GNB4: variants seen among roughly 807,000 people sequenced by gnomAD.
GNB4 encodes G protein subunit beta 4.
GNB4 carries 28 observed loss-of-function variants against 45.2 expected under a neutral mutation model. The observed-to-expected ratio is 0.62, with a 90% CI of 0.46 to 0.85. The LOEUF (loss-of-function observed/expected upper bound fraction) is 0.85. Among genes scored for constraint, GNB4 ranks in the 40% least tolerant of loss-of-function variants. The pLI, the probability that GNB4 is intolerant of heterozygous loss-of-function variation, is 0.00. For synonymous variants in GNB4, 132 were observed against 143.7 expected (o/e 0.92, Z 0.58); for missense variants, 321 against 425.4 (o/e 0.75, Z 2.16).
At chr3:179,443,772 A>T (rs1384831323) in intron 1 of GNB4, among the ~76,000 whole-genome samples, 1 of 152,140 alleles carries the variant, frequency 6.6e-6, no homozygotes, top group Non-Finnish European at 1.5e-5. Context: ...ATACTATACA[A>T]TTACTGTCTC....
intron 4 of GNB4, 132 bp downstream of exon 4, chr3:179,419,267 C>T (rs549271843): frequency 4.4e-6 from 3 of 682,032 alleles, no homozygotes; most frequent in Non-Finnish European, 7.9e-6. Flanking sequence ...GCAGCATGTT[C>T]ATCTGAGATG....
intron 1 of GNB4, among the ~76,000 whole-genome samples, chr3:179,432,560 C>T (rs1715337475): frequency 6.6e-6 from 1 of 152,170 alleles, no homozygotes; most frequent in Middle Eastern, 3.2e-3. Flanking sequence ...CAGGTGAAGC[C>T]TAATATGGCA....
chr3:179,527,708 GACTT>G, the GNB4 span, among the ~76,000 whole-genome samples: 1 of 151,892 alleles, frequency 6.6e-6, no homozygotes, highest in African/African-American at 2.4e-5. Flanking sequence ...TATAGTCTAA[GACTT>G]ACCTACTTCA....
the GNB4 span, among the ~76,000 whole-genome samples, chr3:179,518,412 C>G: frequency 6.6e-6 from 1 of 152,066 alleles, no homozygotes; most frequent in African/African-American, 2.4e-5. Context: ...CCTTCTTTCC[C>G]TCCCGCCTGT....
chr3:179,420,744 T>C, intron 3 of GNB4, 145 bp downstream of exon 3: 1 of 660,224 alleles, frequency 1.5e-6, no homozygotes. Flanking sequence ...GTATAGCATT[T>C]GACAAATTAC....
At chr3:179,491,067 C>G in the GNB4 span, among the ~76,000 whole-genome samples, 1 of 152,134 alleles carries the variant, frequency 6.6e-6, no homozygotes, top group African/African-American at 2.4e-5. Flanking sequence ...GTTTTTAAAG[C>G]AGCTATTATA....
At chr3:179,453,688 AATG>A (rs925730600), upstream of GNB4, among the ~76,000 whole-genome samples, 5 of 152,328 alleles carry the variant, frequency 3.3e-5, no homozygotes, top group African/African-American at 1.2e-4. Context: ...AGTTTAAAAG[AATG>A]ATATCGTCAA....
At chr3:179,493,065 C>G in the GNB4 span, among the ~76,000 whole-genome samples, 1 of 152,212 alleles carries the variant, frequency 6.6e-6, no homozygotes, top group Non-Finnish European at 1.5e-5. Flanking sequence ...CATTCACCCA[C>G]AGTTAAAAGA....
chr3:179,471,199 AT>A, the GNB4 span, among the ~76,000 whole-genome samples: 3 of 148,876 alleles, frequency 2.0e-5, no homozygotes, highest in East Asian at 2.0e-4. Flanking sequence ...AAAAAAAAGT[AT>A]CAGCAAGCTA....
chr3:179,473,268 C>A, the GNB4 span, among the ~76,000 whole-genome samples: 11 of 149,550 alleles, frequency 7.4e-5, no homozygotes, highest in African/African-American at 2.4e-4. Context: ...AGGTCAAAAG[C>A]CCATTTCTCT....
At chr3:179,496,748 G>C in the GNB4 span, among the ~76,000 whole-genome samples, 1 of 152,032 alleles carries the variant, frequency 6.6e-6, no homozygotes, top group Non-Finnish European at 1.5e-5. Context: ...GACAAAGAAG[G>C]TCTTTATGTA....
the GNB4 span, among the ~76,000 whole-genome samples, chr3:179,521,157 G>A: frequency 1.3e-5 from 2 of 151,954 alleles, no homozygotes; most frequent in Non-Finnish European, 2.9e-5. Context: ...CTAAGAAGGC[G>A]ACCGTGGTCA....
rs1714242550 is a variant in GNB4 at position 179,400,126 on chromosome 3, A to G, written c.*1087T>C. The G allele has an allele frequency of 6.6e-6, 1 of 152,256 alleles. No individual in the cohort carries two copies. The highest frequency in any genetic ancestry group is 1.5e-5 in the Non-Finnish European group (1 of 68,042). The allele number at this position is 152,256 out of a possible 1,614,324, so 9.4% of individuals were successfully genotyped here. ...AATACTACAAAATGTTGCAAAACAG[A>G]ACAAAAAGCTTAAAGGTTTAAGAAA... On this transcript the variant is annotated 3_prime_UTR_variant, in exon 10 of 10. Transcript: ENST00000232564.
chr3:179,513,565 A>G, the GNB4 span, among the ~76,000 whole-genome samples: 2 of 152,130 alleles, frequency 1.3e-5, no homozygotes, highest in Admixed American at 1.3e-4. Flanking sequence ...TATAAACCTT[A>G]TAATTATTTT....
chr3:179,405,720 T>C (rs1368190824), intron 8 of GNB4: 1 of 228,870 alleles, frequency 4.4e-6, no homozygotes, highest in East Asian at 9.8e-5. Context: ...TTATAGAATA[T>C]ATATGTGTGT....
chr3:179,491,105 A>G, the GNB4 span, among the ~76,000 whole-genome samples: 1 of 152,192 alleles, frequency 6.6e-6, no homozygotes, highest in Non-Finnish European at 1.5e-5. Flanking sequence ...AAGGGTAAAC[A>G]CTCTTGAAAC....
chr3:179,494,261 G>A, the GNB4 span, among the ~76,000 whole-genome samples: 534 of 145,616 alleles, frequency 3.7e-3, 5 homozygotes, highest in Middle Eastern at 0.06. Context: ...AAAGAAGAAA[G>A]GAAGAAAGAA....
At chr3:179,430,644 A>G (rs1470182039) in intron 1 of GNB4, among the ~76,000 whole-genome samples, 1 of 148,490 alleles carries the variant, frequency 6.7e-6, no homozygotes, top group Non-Finnish European at 1.5e-5. Context: ...TTTTTGAGAA[A>G]TAGTGTCTTG....
At chr3:179,494,988 G>A in the GNB4 span, among the ~76,000 whole-genome samples, 2 of 151,360 alleles carry the variant, frequency 1.3e-5, no homozygotes, top group East Asian at 1.9e-4. Flanking sequence ...GGAGAGATAT[G>A]GATATCCACA....
Sources: gnomAD v4.1 joint callset for allele counts (sites outside exome capture counted in the v4.1 genomes callset) on GRCh38, gnomAD v4.1.1 for gene constraint, MANE v1.5 for transcripts, NCBI Gene and HGNC (gene_info 2026-07-23, HGNC 2026-07-21) for gene names.